Variants in WRN observed in about 807,000 individuals in gnomAD.
WRN encodes the protein bifunctional 3'-5' exonuclease/ATP-dependent helicase WRN.
A neutral mutation model predicts 180.7 loss-of-function variants in WRN; 149 were observed. The ratio of observed to expected loss-of-function variants is 0.82; its 90% CI spans 0.72 to 0.94. The LOEUF (loss-of-function observed/expected upper bound fraction) is 0.94. WRN is among the 40% of genes least tolerant of loss of function. The pLI is 0.00. For missense variants in WRN, 1,661 were observed against 1,700.1 expected, an observed-to-expected ratio of 0.98 and a Z score of 0.40; for synonymous variants, 548 against 568.9, an observed-to-expected ratio of 0.96 and a Z score of 0.52.
Position 31,175,412 on chromosome 8 carries a change from C to T in WRN, c.*2310C>T, listed in dbSNP as rs762321522. Among the ~76,000 whole-genome samples, 8 of 151,930 alleles carry T rather than the reference C, an allele frequency of 5.3e-5. No homozygotes were observed. The highest frequency in any genetic ancestry group is 7.3e-5 in the African/African-American group (3 of 41,358). On this transcript the variant is annotated 3_prime_UTR_variant, in exon 35 of 35. Transcript: ENST00000298139. ...ACTGCGCCACTGCACCCCAGCCTGG[C>T]GACAGAGCAAGACTCCGTCTCAAAA...
At chr8:31,087,957 G>GA in intron 12 of WRN, 37 bp downstream of exon 12, 1 of 1,601,910 alleles carries the variant, frequency 6.2e-7, no homozygotes. Context: ...ACTCACCTGT[G>GA]ATACCTACCA....
In WRN at chr8:31,058,591, T is replaced by C. The variant is rs1231645031; in HGVS notation, c.96+48T>C. On this transcript the variant is annotated intron_variant, in intron 2 of 34. Coordinates refer to ENST00000298139, the MANE Select transcript of WRN (RefSeq NM_000553.6). ...TTTTGGGTGAGAAATTTAATTTATA[T>C]TTGACTGTGCAAAGAGTCAGTTGTT... is the stretch of plus-strand genomic sequence containing the variant. 3.2e-6 allele frequency: 5 copies of C among 1,573,774 alleles called. No individual in the cohort carries two copies. In the African/African-American group the frequency reaches 4.1e-5, roughly 13 times the overall value.
intron 27 of WRN, 89 bp from the exon 28 acceptor site, chr8:31,143,461 G>C: frequency 1.1e-6 from 1 of 876,892 alleles, no homozygotes; most frequent in Admixed American, 2.3e-5. Context: ...AGAAAAAATT[G>C]TGATTTTGAG....
At chr8:31,121,132 A>G (rs1344737543) in intron 21 of WRN, among the ~76,000 whole-genome samples, 1 of 151,980 alleles carries the variant, frequency 6.6e-6, no homozygotes, top group African/African-American at 2.4e-5. Context: ...TTGGGGCAGC[A>G]TTTACCAATA....
intron 34 of WRN, among the ~76,000 whole-genome samples, chr8:31,170,150 T>G (rs1804049826): frequency 6.6e-6 from 1 of 152,170 alleles, no homozygotes; most frequent in Admixed American, 6.5e-5. Context: ...AGTTTTAGTT[T>G]CCCAAGGATA....
At chr8:31,136,330 TA>T (rs1181685212) in intron 24 of WRN, among the ~76,000 whole-genome samples, 46 of 152,322 alleles carry the variant, frequency 3.0e-4, no homozygotes, top group African/African-American at 1.1e-3. Flanking sequence ...CACAGAAGTA[TA>T]CCTGCTTAGA....
In WRN at chr8:31,139,933, G is replaced by A. The variant is rs539396692; in HGVS notation, c.2968-1497G>A. Among the ~76,000 whole-genome samples the A allele has an allele frequency of 8.0e-5, 12 of 149,780 alleles. No homozygotes were observed. The South Asian group carries it at 8.5e-4, about 11-fold the overall frequency. On this transcript the variant is annotated intron_variant, in intron 24 of 34. Transcript: ENST00000298139. ...TTAGAATGACCCTTGAATTACAATC[G>A]GCCACATTCATCACAAATACATTAA...
intron 11 of WRN, among the ~76,000 whole-genome samples, chr8:31,086,964 G>T (rs1037534776): frequency 6.6e-6 from 1 of 152,032 alleles, no homozygotes; most frequent in African/African-American, 2.4e-5. Context: ...TTTTAAACAT[G>T]CATTCTAAGT....
At chr8:31,076,344 A>C (rs200137554) in intron 8 of WRN, 57 bp downstream of exon 8, 13 of 1,402,924 alleles carry the variant, frequency 9.3e-6, no homozygotes, top group Non-Finnish European at 1.1e-5. Flanking sequence ...TTTTTTTATC[A>C]CATTTTCCTA....
chr8:31,089,250 A>G (rs1813652305), intron 13 of WRN, among the ~76,000 whole-genome samples: 1 of 152,078 alleles, frequency 6.6e-6, no homozygotes, highest in Non-Finnish European at 1.5e-5. Flanking sequence ...TTAATTTAAT[A>G]CTGACTTGTT....
chr8:31,110,502 A>AT (rs1801270026), intron 18 of WRN, among the ~76,000 whole-genome samples: 4 of 152,124 alleles, frequency 2.6e-5, no homozygotes, highest in African/African-American at 9.7e-5. Context: ...TTTGGAGATA[A>AT]TTTTTAATTC....
intron 24 of WRN, among the ~76,000 whole-genome samples, chr8:31,136,267 A>G (rs992546391): frequency 6.6e-6 from 1 of 152,222 alleles, no homozygotes; most frequent in Non-Finnish European, 1.5e-5. Context: ...TATTGGCATT[A>G]CAGGCATGAG....
At chr8:31,035,892 C>G (rs1178376768) in intron 1 of WRN, among the ~76,000 whole-genome samples, 2 of 152,170 alleles carry the variant, frequency 1.3e-5, no homozygotes, top group Admixed American at 1.3e-4. Context: ...CATTAGTACT[C>G]AATCCCACCC....
At chr8:31,102,492 G>A (rs1800915461) in intron 18 of WRN, among the ~76,000 whole-genome samples, 1 of 152,162 alleles carries the variant, frequency 6.6e-6, no homozygotes, top group Non-Finnish European at 1.5e-5. Flanking sequence ...TAGGCTATAT[G>A]ATAGAGCCTA....
intron 1 of WRN, among the ~76,000 whole-genome samples, chr8:31,037,429 C>T (rs2737313): frequency 6.6e-6 from 1 of 152,186 alleles, no homozygotes; most frequent in African/African-American, 2.4e-5. Flanking sequence ...TGGACTGGTA[C>T]TAATCTGTGG....
chr8:31,116,456 A>G lies in WRN; in HGVS notation c.2376A>G (p.Gly792=). The change falls in exon 20 of 35, where the codon GGA becomes GGG. Residue 792 remains glycine, a synonymous_variant. Transcript: ENST00000298139. ...TTAGGAAACTGAATCTATCCTGTGG[A>G]ACATACCATGCGGGCATGAGTTTTA... is the stretch of plus-strand genomic sequence containing the variant. ...GELRKLNLSC[G]TYHAGMSFST... 2 of 1,614,064 alleles carry G rather than the reference A, an allele frequency of 1.2e-6. No individual in the cohort carries two copies. The highest frequency in any genetic ancestry group is 1.3e-5 in the African/African-American group (1 of 75,046).
intron 19 of WRN, among the ~76,000 whole-genome samples, chr8:31,115,492 A>G (rs1026583057): frequency 4.6e-5 from 7 of 152,170 alleles, no homozygotes; most frequent in Non-Finnish European, 1.0e-4. Flanking sequence ...ATGACTTTTT[A>G]CTATTATAAT....
chr8:31,055,897 A>C (rs1650073030), intron 1 of WRN, among the ~76,000 whole-genome samples: 1 of 152,228 alleles, frequency 6.6e-6, no homozygotes, highest in Non-Finnish European at 1.5e-5. Context: ...ACGTATGGTA[A>C]AGGATTTCCC....
intron 20 of WRN, among the ~76,000 whole-genome samples, chr8:31,117,352 A>C (rs1801563185): frequency 6.6e-6 from 1 of 152,310 alleles, no homozygotes; most frequent in East Asian, 1.9e-4. Context: ...TTTTTAAATA[A>C]GATAATAGGA....
Sources: allele counts gnomAD v4.1 joint callset (sites outside exome capture counted in the v4.1 genomes callset), GRCh38; gene constraint gnomAD v4.1.1; transcripts MANE v1.5; gene names NCBI Gene and HGNC (gene_info 2026-07-23, HGNC 2026-07-21).